ARHGAP29: variants seen among roughly 807,000 people sequenced by gnomAD.
ARHGAP29 encodes the protein rho GTPase-activating protein 29.
ARHGAP29 carries 43 observed loss-of-function variants against 122.6 expected under a neutral mutation model. The observed-to-expected ratio is 0.35, with a 90% confidence interval of 0.27 to 0.45. ARHGAP29 has a LOEUF of 0.45. ARHGAP29 is among the 20% of genes least tolerant of loss of function. The pLI is 1.00. For missense variants in ARHGAP29, 1,303 were observed against 1,477.2 expected, an observed-to-expected ratio of 0.88 and a Z score of 1.93; for synonymous variants, 506 against 497.1, an observed-to-expected ratio of 1.02 and a Z score of -0.24.
At chr1:94,258,929 G>A (rs989002789) in intron 1 of ARHGAP29, among the ~76,000 whole-genome samples, 1 of 152,202 alleles carries the variant, frequency 6.6e-6, no homozygotes, top group Non-Finnish European at 1.5e-5. Context: ...TCCCACTGTA[G>A]AGAGATCAAG....
intron 1 of ARHGAP29, among the ~76,000 whole-genome samples, chr1:94,253,049 C>T (rs557881810): frequency 5.3e-5 from 8 of 152,168 alleles, no homozygotes; most frequent in Middle Eastern, 3.4e-3. Context: ...CGGCTCACTG[C>T]AATCTCTGCC....
the ARHGAP29 span, among the ~76,000 whole-genome samples, chr1:94,304,372 T>C: frequency 6.6e-6 from 1 of 152,160 alleles, no homozygotes; most frequent in African/African-American, 2.4e-5. Context: ...ACTCCTGGGC[T>C]CAAGAAATCC....
Position 94,174,645 on chromosome 1 carries a change from T to C in ARHGAP29, c.3010A>G (p.Asn1004Asp), listed in dbSNP as rs777206745. 7.4e-6 allele frequency: 12 copies of C among 1,613,994 alleles called. No homozygotes were observed. The African/African-American group carries it at 8.0e-5, about 11-fold the overall frequency. Residue 1004 changes from asparagine to aspartate, a missense_variant, in exon 23 of 23, where the codon AAC (asparagine) becomes GAC (aspartate). Transcript: ENST00000260526. ...PLSLKSDRST[N>D]NVERHTPRTK... ...CTTGGAGTATGCCTCTCCACATTGTTTGTTGACCTATCAGATTTCAGAGAA... is the reference window on the plus strand; with the variant it reads ...CTTGGAGTATGCCTCTCCACATTGTCTGTTGACCTATCAGATTTCAGAGAA...
At chr1:94,244,585 T>C (rs1304131874) in intron 1 of ARHGAP29, among the ~76,000 whole-genome samples, 1 of 151,908 alleles carries the variant, frequency 6.6e-6, no homozygotes, top group Non-Finnish European at 1.5e-5. Context: ...GAGAAAGAAA[T>C]AAAATGCATT....
At chr1:94,223,586 T>TA (rs890165761) in intron 2 of ARHGAP29, among the ~76,000 whole-genome samples, 2 of 151,866 alleles carry the variant, frequency 1.3e-5, no homozygotes, top group South Asian at 2.1e-4. Context: ...ATTTGGCCAC[T>TA]AAAAAAAACT....
chr1:94,246,808 G>A (rs61784299), intron 1 of ARHGAP29, among the ~76,000 whole-genome samples: 33,991 of 152,028 alleles, frequency 0.22, 4,940 homozygotes, highest in Middle Eastern at 0.36. Flanking sequence ...TAGGTGGTAG[G>A]TGCAATCTCC....
At chr1:94,217,224 C>T (rs1243902706) in intron 3 of ARHGAP29, among the ~76,000 whole-genome samples, 1 of 152,050 alleles carries the variant, frequency 6.6e-6, no homozygotes, top group African/African-American at 2.4e-5. Flanking sequence ...GTTTTTTAAA[C>T]ATAGTCAGAG....
rs375974432 is a variant in ARHGAP29 at position 94,246,841 on chromosome 1, C to T, written c.-32-15198G>A. On this transcript the variant is annotated intron_variant and NMD_transcript_variant, in intron 1 of 25. Transcript: ENST00000552844. ...TCCCAGCTTGTCCCTTCCTATTTTG[C>T]AGAGCACACGACTTGCCCTAGAGCC... 1.4e-4 allele frequency among the ~76,000 whole-genome samples: 21 copies of T among 152,098 alleles called. 1 individual carries two copies. In the South Asian group the frequency reaches 2.7e-3, roughly 20 times the overall value.
intron 1 of ARHGAP29, among the ~76,000 whole-genome samples, chr1:94,264,178 G>A (rs773153593): frequency 4.6e-5 from 7 of 152,134 alleles, no homozygotes; most frequent in Non-Finnish European, 7.3e-5. Flanking sequence ...GTGAGATGGC[G>A]GTAGAATGGC....
At chr1:94,236,811 G>A (rs1048066240) in intron 1 of ARHGAP29, among the ~76,000 whole-genome samples, 2 of 152,164 alleles carry the variant, frequency 1.3e-5, no homozygotes, top group African/African-American at 2.4e-5. Flanking sequence ...ATGCACCACG[G>A]AAATCCTAAA....
rs552659863 is a variant in ARHGAP29 at position 94,234,846 on chromosome 1, T to C, written c.-33+2569A>G. 3.3e-5 allele frequency among the ~76,000 whole-genome samples: 5 copies of C among 152,334 alleles called. No homozygotes were observed. In the South Asian group the frequency reaches 1.0e-3, roughly 32 times the overall value. ...GTTTAGTTATGACAGCTTTTAAACT[T>C]GGTAAATTAGAGAATTGGTCACTGT... On this transcript the variant is annotated intron_variant, in intron 1 of 22. Coordinates refer to ENST00000260526, the MANE Select transcript of ARHGAP29 (RefSeq NM_004815.4).
At chr1:94,295,065 CAAG>C in the ARHGAP29 span, among the ~76,000 whole-genome samples, 1 of 152,038 alleles carries the variant, frequency 6.6e-6, no homozygotes, top group Non-Finnish European at 1.5e-5. Flanking sequence ...CCTTTCGGTT[CAAG>C]AAGAAGGTTT....
At position 94,169,088 on chromosome 1, in the gene ARHGAP29, T is replaced by C. The variant is rs1648551848; in HGVS notation, c.*4781A>G. On this transcript the variant is annotated 3_prime_UTR_variant, in exon 23 of 23. Coordinates refer to ENST00000260526, the MANE Select transcript of ARHGAP29 (RefSeq NM_004815.4). ...GAGAACCACAATTCAATATTTTCTA[T>C]AAATTTCATAAATGTCTATGTTTAA... is the stretch of plus-strand genomic sequence containing the variant. Among the ~76,000 whole-genome samples, 1 of 152,230 alleles carries C rather than the reference T, an allele frequency of 6.6e-6. No homozygotes were observed. Among genetic ancestry groups the C allele is most frequent in the Non-Finnish European group, 1.5e-5 (1 of 68,028 alleles).
At chr1:94,189,739 GCTCA>G (rs1470559875) in intron 13 of ARHGAP29, among the ~76,000 whole-genome samples, 183 bp downstream of exon 13, 1 of 151,940 alleles carries the variant, frequency 6.6e-6, no homozygotes, top group Non-Finnish European at 1.5e-5. Flanking sequence ...AAATGGAAAG[GCTCA>G]CTGTTAATGA....
chr1:94,258,825 G>T (rs1452640710), intron 1 of ARHGAP29, among the ~76,000 whole-genome samples: 1 of 152,196 alleles, frequency 6.6e-6, no homozygotes, highest in African/African-American at 2.4e-5. Context: ...ATATGAACAA[G>T]TTCACCCAGC....
rs2101507946 is a variant in ARHGAP29 at position 94,202,695 on chromosome 1, A to G, written c.992T>C (p.Leu331Ser). The change falls in exon 11 of 23, where the codon TTA (leucine) becomes TCA (serine). Residue 331 changes from leucine (L) to serine (S), a missense_variant. By Grantham distance (145) the Leu-to-Ser change is moderately radical. Around this residue, in one of 3 missense-constraint regions of ARHGAP29, gnomAD observed 592 missense variants for 648.2 expected, o/e 0.91. Coordinates refer to ENST00000260526, the MANE Select transcript of ARHGAP29 (RefSeq NM_004815.4). ...ATATTCATCTTGACGTTGCATGCATAATAATTTTGCCTTTTTGAGAGCATT... is the reference window on the plus strand; with the variant it reads ...ATATTCATCTTGACGTTGCATGCATGATAATTTTGCCTTTTTGAGAGCATT... ...AENALKKAKL[L>S]CMQRQDEYEK... The G allele has an allele frequency of 1.9e-6, 3 of 1,614,040 alleles. No homozygotes were observed. The highest frequency in any genetic ancestry group is 2.2e-5 in the East Asian group (1 of 44,874).
chr1:94,238,423 A>G (rs565092190), upstream of ARHGAP29, among the ~76,000 whole-genome samples: 5 of 152,086 alleles, frequency 3.3e-5, no homozygotes, highest in Non-Finnish European at 5.9e-5. Flanking sequence ...GAAAAAAAAA[A>G]GTCTGAGAAA....
At position 94,237,430 on chromosome 1, in the gene ARHGAP29, C is replaced by A; in HGVS notation, c.-48G>T. The A allele has an allele frequency of 1.0e-6, 1 of 986,842 alleles. No individual in the cohort carries two copies. The highest frequency in any genetic ancestry group is 4.6e-5 in the South Asian group (1 of 21,872). 61.1% of individuals were successfully genotyped at this position (986,842 alleles called of 1,614,324 possible). A position where few individuals can be genotyped will look rare whatever the true frequency, so the allele number is the denominator to read the frequency against. On this transcript the variant is annotated 5_prime_UTR_variant, in exon 1 of 23. Coordinates refer to ENST00000260526, the MANE Select transcript of ARHGAP29 (RefSeq NM_004815.4). The stretch of plus-strand genomic sequence containing the variant: ...TCACACTCACCACGGCGCTCCATCT[C>A]GCGTGCCGGACGCGGACGCCCGCCC...
chr1:94,218,207 T>C (rs1394693811), intron 3 of ARHGAP29, among the ~76,000 whole-genome samples: 4 of 152,054 alleles, frequency 2.6e-5, no homozygotes, highest in Non-Finnish European at 4.4e-5. Flanking sequence ...TTATAAACCA[T>C]ATAAACTTAA....
Sources: gnomAD v4.1 joint callset for allele counts (sites outside exome capture counted in the v4.1 genomes callset) on GRCh38, gnomAD v4.1.1 for gene constraint, gnomAD v4.1.1 regional missense constraint, MANE v1.5 for transcripts, NCBI Gene and HGNC (gene_info 2026-07-23, HGNC 2026-07-21) for gene names.